The following ATP7B variants were observed in gnomAD, a reference collection of about 807,000 sequenced individuals.
ATP7B encodes ATPase copper transporting beta.
ATP7B carries 113 observed loss-of-function variants against 118.9 expected under a neutral mutation model. The ratio of observed to expected loss-of-function variants is 0.95; its 90% CI spans 0.82 to 1.11. The LOEUF (loss-of-function observed/expected upper bound fraction) is 1.11. Among genes scored for constraint, ATP7B ranks in the 50% most tolerant of loss-of-function variants. The probability of loss-of-function intolerance (pLI) is 0.00; values close to 1 mark genes in which losing one functional copy is unlikely to be tolerated. For synonymous variants in ATP7B, 777 were observed against 727.4 expected, an observed-to-expected ratio of 1.07 and a Z score of -1.10; for missense variants, 1,867 against 1,871.4, an observed-to-expected ratio of 1.00 and a Z score of 0.04.
At chr13:51,979,834 TTG>T (rs1952324305) in intron 1 of ATP7B, among the ~76,000 whole-genome samples, 1 of 152,210 alleles carries the variant, frequency 6.6e-6, no homozygotes, top group Non-Finnish European at 1.5e-5. Context: ...CCAAAAGGGT[TTG>T]CAGTAGTACT....
In ATP7B at chr13:51,935,041, G is replaced by C; in HGVS notation, c.4125-12C>G. 6.2e-7 allele frequency: 1 copy of C among 1,613,628 alleles called. No individual in the cohort carries two copies. Among genetic ancestry groups the C allele is most frequent in the Non-Finnish European group, 8.5e-7 (1 of 1,180,006 alleles). Reference sequence around the variant, plus strand: ...CAGGCTTCTTATAGCTGGAAAGCAGGAACGCAACAGCATCTGAGCCATTCT... The same window carrying C: ...CAGGCTTCTTATAGCTGGAAAGCAGCAACGCAACAGCATCTGAGCCATTCT... On this transcript the variant is annotated splice_polypyrimidine_tract_variant and intron_variant, in intron 20 of 20. Transcript: ENST00000242839.
chr13:51,955,604 C>T (rs2139420340), intron 9 of ATP7B, among the ~76,000 whole-genome samples: 1 of 152,298 alleles, frequency 6.6e-6, no homozygotes, highest in South Asian at 2.1e-4. Flanking sequence ...TGTTCAGATC[C>T]CTGGAATAGT....
intron 2 of ATP7B, among the ~76,000 whole-genome samples, chr13:51,972,759 G>A (rs779790247): frequency 1.3e-5 from 2 of 152,170 alleles, no homozygotes; most frequent in Non-Finnish European, 2.9e-5. Context: ...CAGCACTTTG[G>A]GAGGCTGAGG....
intron 1 of ATP7B, among the ~76,000 whole-genome samples, chr13:52,008,246 C>T (rs148970021): frequency 2.6e-5 from 4 of 152,098 alleles, no homozygotes; most frequent in African/African-American, 7.2e-5. Flanking sequence ...AGGCTGAGGC[C>T]GGAGAATCAC....
At chr13:51,980,216 A>G (rs974026408) in intron 1 of ATP7B, among the ~76,000 whole-genome samples, 1 of 152,260 alleles carries the variant, frequency 6.6e-6, no homozygotes, top group African/African-American at 2.4e-5. Context: ...GCCTTGTGAA[A>G]GCCCTAGTTT....
intron 1 of ATP7B, among the ~76,000 whole-genome samples, chr13:51,998,008 C>A (rs574175494): frequency 1.3e-5 from 2 of 152,306 alleles, no homozygotes; most frequent in East Asian, 3.9e-4. Context: ...TAAGTCCAAA[C>A]TCCTCTTTCT....
intron 11 of ATP7B, 35 bp from the exon 12 acceptor site, chr13:51,949,831 A>T (rs1278328649): frequency 6.2e-7 from 1 of 1,613,738 alleles, no homozygotes; most frequent in Non-Finnish European, 8.5e-7. Flanking sequence ...ATGGGAAATT[A>T]CAACCTATGA....
At chr13:51,952,204 C>T (rs1011139840) in intron 9 of ATP7B, among the ~76,000 whole-genome samples, 13 of 152,254 alleles carry the variant, frequency 8.5e-5, no homozygotes, top group East Asian at 1.9e-4. Flanking sequence ...GAGGAGAAGA[C>T]GGCAGGAACA....
chr13:51,937,272 C>CT lies in ATP7B; in HGVS notation c.4021+3dup, dbSNP rs754049282. 2.5e-5 allele frequency: 41 copies of CT among 1,612,918 alleles called. No individual in the cohort carries two copies. The highest frequency in any genetic ancestry group is 3.5e-5 in the Non-Finnish European group (41 of 1,178,996). ...CTGGAGCACAGTGGGTAAGAGCTGC[C>CT]TACCTGCTGCAATGGGTATCCCAAC... On this transcript the variant is annotated splice_donor_region_variant and intron_variant, in intron 19 of 20. Transcript: ENST00000242839.
In ATP7B at chr13:51,937,407, G is replaced by C; in HGVS notation, c.3904-14C>G. On this transcript the variant is annotated splice_polypyrimidine_tract_variant and intron_variant, in intron 18 of 20. Coordinates refer to ENST00000242839, the MANE Select transcript of ATP7B (RefSeq NM_000053.4). Reference sequence around the variant, plus strand: ...CAGCAAATCATTCTGATGGAGAGGAGCACACAGTGAGGAAGGGGTCTGCCC... The same window carrying C: ...CAGCAAATCATTCTGATGGAGAGGACCACACAGTGAGGAAGGGGTCTGCCC... 1 of 1,614,190 alleles carries C rather than the reference G, an allele frequency of 6.2e-7. No individual in the cohort carries two copies. Among genetic ancestry groups the C allele is most frequent in the Non-Finnish European group, 8.5e-7 (1 of 1,179,994 alleles).
upstream of ATP7B, chr13:52,011,621 C>T (rs1954041697): frequency 1.8e-6 from 1 of 558,112 alleles, no homozygotes; most frequent in South Asian, 2.0e-5. Context: ...GGGCCTCGGA[C>T]CCTCGCCCAC....
intron 9 of ATP7B, among the ~76,000 whole-genome samples, chr13:51,956,050 A>T (rs1018354294): frequency 6.6e-6 from 1 of 152,234 alleles, no homozygotes; most frequent in African/African-American, 2.4e-5. Flanking sequence ...ACAGCTACAG[A>T]GTGGAACTAG....
chr13:51,986,738 C>T (rs147458428), intron 1 of ATP7B, among the ~76,000 whole-genome samples: 168 of 152,278 alleles, frequency 1.1e-3, no homozygotes, highest in African/African-American at 3.8e-3. Context: ...GGCTTCATCC[C>T]TAGGATGCAG....
intron 1 of ATP7B, among the ~76,000 whole-genome samples, chr13:51,999,783 A>T (rs1953400430): frequency 6.6e-6 from 1 of 152,074 alleles, no homozygotes; most frequent in African/African-American, 2.4e-5. Flanking sequence ...GAACTGCGGG[A>T]GGACCCGTGC....
At chr13:51,987,978 C>T (rs912793292) in intron 1 of ATP7B, among the ~76,000 whole-genome samples, 7 of 152,150 alleles carry the variant, frequency 4.6e-5, no homozygotes, top group African/African-American at 1.2e-4. Flanking sequence ...TAGGCAGTAC[C>T]ATTCAGGACA....
chr13:52,011,380 G>C lies in ATP7B; in HGVS notation c.-43C>G. The C allele has an allele frequency of 6.2e-7, 1 of 1,613,798 alleles. No homozygotes were observed. Among genetic ancestry groups the C allele is most frequent in the Non-Finnish European group, 8.5e-7 (1 of 1,179,660 alleles). On this transcript the variant is annotated 5_prime_UTR_variant, in exon 1 of 21. Transcript: ENST00000242839. Reference sequence around the variant, plus strand: ...GAATTCTTCTCTGATCTGGCTCAGAGCAAAAGGTCACCTGGTCGGTGGAGG... The same window carrying C: ...GAATTCTTCTCTGATCTGGCTCAGACCAAAAGGTCACCTGGTCGGTGGAGG...
intron 8 of ATP7B, 35 bp downstream of exon 8, chr13:51,958,276 G>A: frequency 1.3e-6 from 2 of 1,595,558 alleles, no homozygotes; most frequent in Non-Finnish European, 1.7e-6. Flanking sequence ...TTTACTGAAG[G>A]AGCAGCTCTT....
intron 16 of ATP7B, among the ~76,000 whole-genome samples, chr13:51,939,749 G>C (rs1297521738): frequency 6.6e-6 from 1 of 152,122 alleles, no homozygotes; most frequent in Non-Finnish European, 1.5e-5. Flanking sequence ...GACTCCTTTA[G>C]TTGTGCCAAT....
chr13:51,937,293 C>A lies in ATP7B; in HGVS notation c.4004G>T (p.Gly1335Val), dbSNP rs1957026370. The A allele has an allele frequency of 1.2e-6, 2 of 1,614,142 alleles. No homozygotes were observed. Residue 1335 changes from glycine to valine, a missense_variant, in exon 19 of 21, where the codon GGG (glycine) becomes GTG (valine). Gly to Val is a moderately radical substitution (Grantham distance 109). Transcript: ENST00000242839. ...CTGCCTACCTGCTGCAATGGGTATC[C>A]CAACCAGGTTATAAATCAGTGCCAG... ...LVLALIYNLVGIPIAAGVFMP... is the reference protein window; with the variant it reads ...LVLALIYNLVVIPIAAGVFMP...
Sources: allele counts gnomAD v4.1 joint callset (sites outside exome capture counted in the v4.1 genomes callset), GRCh38; gene constraint gnomAD v4.1.1; transcripts MANE v1.5; gene names NCBI Gene and HGNC (gene_info 2026-07-23, HGNC 2026-07-21).